Variants in CDH12 observed in about 807,000 individuals in gnomAD.
The protein encoded by CDH12 is cadherin 12, also known as cadherin-12.
Under a neutral mutation model 74.1 loss-of-function variants are expected in CDH12, and 41 were observed. The observed-to-expected ratio is 0.55, with a 90% CI of 0.43 to 0.72. The LOEUF (loss-of-function observed/expected upper bound fraction) is 0.72, where lower values mean the gene tolerates loss of function less well. Ranked by LOEUF, CDH12 falls within the 30% of genes least tolerant of loss-of-function variation. The probability of loss-of-function intolerance (pLI) is 0.00; values close to 1 mark genes in which losing one functional copy is unlikely to be tolerated. For synonymous variants in CDH12, 399 were observed against 355.0 expected, an observed-to-expected ratio of 1.12 and a Z score of -1.39; for missense variants, 945 against 977.2, an observed-to-expected ratio of 0.97 and a Z score of 0.44.
intron 11 of CDH12, among the ~76,000 whole-genome samples, chr5:21,782,862 G>A (rs528074540): frequency 5.3e-5 from 8 of 152,190 alleles, no homozygotes; most frequent in Non-Finnish European, 1.0e-4. Context: ...TTGAAGAACT[G>A]CAATTGAAAC....
At chr5:22,521,308 T>C (rs1737046729) in intron 1 of CDH12, among the ~76,000 whole-genome samples, 1 of 152,058 alleles carries the variant, frequency 6.6e-6, no homozygotes, top group African/African-American at 2.4e-5. Flanking sequence ...TAAACTCATC[T>C]ATTTTATTAG....
chr5:21,768,319 CCTCT>C (rs1043834999), intron 11 of CDH12, among the ~76,000 whole-genome samples: 1 of 151,716 alleles, frequency 6.6e-6, no homozygotes, highest in Non-Finnish European at 1.5e-5. Context: ...GTTAGATCTT[CCTCT>C]CTCTATCTTT....
At chr5:22,353,008 G>A (rs929805016) in intron 3 of CDH12, among the ~76,000 whole-genome samples, 7 of 152,154 alleles carry the variant, frequency 4.6e-5, no homozygotes, top group African/African-American at 1.7e-4. Context: ...ATACCAAACA[G>A]ATCCTCACTT....
intron 1 of CDH12, among the ~76,000 whole-genome samples, chr5:22,752,717 G>A (rs1472341213): frequency 7.5e-6 from 1 of 134,110 alleles, no homozygotes; most frequent in Non-Finnish European, 1.6e-5. Flanking sequence ...GACTACAGGC[G>A]CCCGCCACTA....
chr5:22,312,162 T>G (rs777929344), intron 3 of CDH12, among the ~76,000 whole-genome samples: 43 of 152,046 alleles, frequency 2.8e-4, no homozygotes, highest in Non-Finnish European at 5.3e-4. Flanking sequence ...TGCAAAAAGA[T>G]TATACATTAC....
At chr5:22,296,278 A>T (rs1737620495) in intron 3 of CDH12, among the ~76,000 whole-genome samples, 1 of 152,094 alleles carries the variant, frequency 6.6e-6, no homozygotes, top group Admixed American at 6.5e-5. Flanking sequence ...TAATTTGCTA[A>T]TCTACCTTAG....
chr5:22,103,591 G>A (rs1324562495), intron 4 of CDH12, among the ~76,000 whole-genome samples: 3 of 152,030 alleles, frequency 2.0e-5, no homozygotes, highest in African/African-American at 4.8e-5. Flanking sequence ...GCAGCTAATC[G>A]TTTATTGCTT....
At chr5:21,900,373 T>C (rs1241929683) in intron 6 of CDH12, among the ~76,000 whole-genome samples, 2 of 152,228 alleles carry the variant, frequency 1.3e-5, no homozygotes, top group Admixed American at 6.5e-5. Context: ...TATTAGTGAA[T>C]AATAATACAA....
At chr5:22,620,669 T>A (rs768623659) in intron 1 of CDH12, among the ~76,000 whole-genome samples, 1 of 152,116 alleles carries the variant, frequency 6.6e-6, no homozygotes, top group Non-Finnish European at 1.5e-5. Flanking sequence ...AGATCAATAA[T>A]AAATGATCAA....
intron 3 of CDH12, among the ~76,000 whole-genome samples, chr5:22,310,083 G>A (rs950026812): frequency 1.6e-4 from 25 of 152,024 alleles, no homozygotes; most frequent in African/African-American, 6.0e-4. Flanking sequence ...AAGCCACCAT[G>A]GCACATGTAT....
At chr5:21,931,928 G>T (rs374934901) in intron 6 of CDH12, among the ~76,000 whole-genome samples, 335 of 152,322 alleles carry the variant, frequency 2.2e-3, no homozygotes, top group Non-Finnish European at 3.5e-3. Flanking sequence ...AAATCATGCT[G>T]TTGATAGCAT....
At chr5:22,793,838 A>C (rs1748048504) in intron 1 of CDH12, among the ~76,000 whole-genome samples, 2 of 152,056 alleles carry the variant, frequency 1.3e-5, no homozygotes, top group South Asian at 4.1e-4. Flanking sequence ...ATTCACAGGC[A>C]GTACATCCTG....
At chr5:22,306,274 T>A (rs1738108146) in intron 3 of CDH12, among the ~76,000 whole-genome samples, 1 of 151,602 alleles carries the variant, frequency 6.6e-6, no homozygotes, top group South Asian at 2.1e-4. Context: ...GAATGCACAA[T>A]TCTAGTGAAG....
At chr5:21,789,796 T>A (rs529037063) in intron 10 of CDH12, among the ~76,000 whole-genome samples, 1 of 152,274 alleles carries the variant, frequency 6.6e-6, no homozygotes, top group Non-Finnish European at 1.5e-5. Flanking sequence ...ATACATTTTG[T>A]GTATGTGACG....
At chr5:22,838,397 A>G (rs1326488156) in intron 1 of CDH12, among the ~76,000 whole-genome samples, 3 of 152,104 alleles carry the variant, frequency 2.0e-5, no homozygotes, top group Non-Finnish European at 4.4e-5. Flanking sequence ...TCTGATCCTC[A>G]GCCTCCACCT....
intron 1 of CDH12, among the ~76,000 whole-genome samples, chr5:22,778,446 C>T (rs1163530904): frequency 1.3e-5 from 2 of 152,164 alleles, no homozygotes; most frequent in Non-Finnish European, 2.9e-5. Context: ...ATATCTCCCA[C>T]TGTTTGAGTC....
intron 6 of CDH12, among the ~76,000 whole-genome samples, chr5:21,961,454 C>T (rs1182662200): frequency 6.6e-6 from 1 of 152,102 alleles, no homozygotes; most frequent in Non-Finnish European, 1.5e-5. Context: ...CTCAGAATTG[C>T]TAGCTCTTAA....
chr5:22,093,721 T>C (rs768380625), intron 4 of CDH12, among the ~76,000 whole-genome samples: 4 of 152,104 alleles, frequency 2.6e-5, no homozygotes, highest in Non-Finnish European at 5.9e-5. Context: ...TATGTGAATA[T>C]AGTAATAAAA....
chr5:22,714,856 G>T (rs1175555498), intron 1 of CDH12, among the ~76,000 whole-genome samples: 1 of 152,118 alleles, frequency 6.6e-6, no homozygotes, highest in Non-Finnish European at 1.5e-5. Context: ...AACGTACTTT[G>T]TTGGTATTTT....
Sources: allele counts gnomAD v4.1 joint callset (sites outside exome capture counted in the v4.1 genomes callset), GRCh38; gene constraint gnomAD v4.1.1; transcripts MANE v1.5; gene names NCBI Gene and HGNC (gene_info 2026-07-23, HGNC 2026-07-21).